The following FARS2 variants were observed in gnomAD, a reference collection of about 807,000 sequenced individuals.
FARS2 encodes the protein phenylalanine--tRNA ligase, mitochondrial.
In FARS2, 40 loss-of-function variants were observed where a neutral mutation model predicts 46.4. The observed-to-expected ratio is 0.86, with a 90% CI of 0.67 to 1.12. The LOEUF is 1.12. FARS2 is among the 50% of genes most tolerant of loss of function. The pLI, the probability that FARS2 is intolerant of heterozygous loss-of-function variation, is 0.00. For synonymous variants in FARS2, 234 were observed against 214.9 expected, an observed-to-expected ratio of 1.09 and a Z score of -0.78; for missense variants, 513 against 567.9, an observed-to-expected ratio of 0.90 and a Z score of 0.98.
At chr6:5,396,794 G>A (rs1760929481) in intron 2 of FARS2, among the ~76,000 whole-genome samples, 1 of 152,134 alleles carries the variant, frequency 6.6e-6, no homozygotes, top group Admixed American at 6.5e-5. Context: ...TGGCAAGATG[G>A]GGAAGTCAAA....
At chr6:5,437,541 T>C (rs2127780740) in intron 4 of FARS2, among the ~76,000 whole-genome samples, 1 of 152,314 alleles carries the variant, frequency 6.6e-6, no homozygotes, top group African/African-American at 2.4e-5. Context: ...TAGGTGCATA[T>C]ATTTTCATAG....
At chr6:5,753,792 G>A (rs937046244) in intron 6 of FARS2, among the ~76,000 whole-genome samples, 11 of 152,076 alleles carry the variant, frequency 7.2e-5, no homozygotes, top group Admixed American at 3.9e-4. Context: ...GAGACTCACC[G>A]GCCATTAAAA....
intron 3 of FARS2, among the ~76,000 whole-genome samples, chr6:5,416,956 G>T (rs899553267): frequency 3.3e-5 from 5 of 152,100 alleles, no homozygotes; most frequent in Admixed American, 2.6e-4. Flanking sequence ...AATACGTTAT[G>T]ATTGTTTTTG....
At chr6:5,489,795 C>T (rs551937485) in intron 4 of FARS2, among the ~76,000 whole-genome samples, 2 of 152,220 alleles carry the variant, frequency 1.3e-5, no homozygotes, top group African/African-American at 4.8e-5. Flanking sequence ...GTATAGTGAA[C>T]TTACGTTGGA....
At chr6:5,331,900 G>T (rs1211811061) in intron 1 of FARS2, among the ~76,000 whole-genome samples, 1 of 152,104 alleles carries the variant, frequency 6.6e-6, no homozygotes, top group African/African-American at 2.4e-5. Flanking sequence ...ATTTCCAAGA[G>T]AACTTGAGTG....
At chr6:5,499,633 A>G (rs1340981038) in intron 4 of FARS2, among the ~76,000 whole-genome samples, 1 of 152,102 alleles carries the variant, frequency 6.6e-6, no homozygotes, top group African/African-American at 2.4e-5. Context: ...ACTTCCCTCA[A>G]GTTCCCCGTA....
intron 2 of FARS2, among the ~76,000 whole-genome samples, chr6:5,390,015 C>T (rs1212540100): frequency 6.6e-6 from 1 of 152,140 alleles, no homozygotes; most frequent in Non-Finnish European, 1.5e-5. Context: ...CAGGCACGCG[C>T]CACCACGCCA....
At chr6:5,679,529 G>A (rs1267181411) in intron 6 of FARS2, among the ~76,000 whole-genome samples, 2 of 152,182 alleles carry the variant, frequency 1.3e-5, no homozygotes, top group East Asian at 3.9e-4. Context: ...ACACTCCCTG[G>A]GTTGTTAACA....
At chr6:5,581,457 G>GC (rs1773324018) in intron 5 of FARS2, among the ~76,000 whole-genome samples, 1 of 152,238 alleles carries the variant, frequency 6.6e-6, no homozygotes, top group African/African-American at 2.4e-5. Flanking sequence ...TGCTGAAGAA[G>GC]CTGAACATCG....
intron 6 of FARS2, among the ~76,000 whole-genome samples, chr6:5,705,569 C>A (rs564338636): frequency 2.0e-5 from 3 of 152,116 alleles, no homozygotes; most frequent in Admixed American, 6.5e-5. Flanking sequence ...AGCCTTGACA[C>A]CTGGCCGCTA....
chr6:5,312,448 T>C (rs1433145082), intron 1 of FARS2, among the ~76,000 whole-genome samples: 1 of 152,194 alleles, frequency 6.6e-6, no homozygotes, highest in Non-Finnish European at 1.5e-5. Context: ...GAGGACAATA[T>C]TGCCAGCTTA....
At chr6:5,252,479 C>T in the FARS2 span, among the ~76,000 whole-genome samples, 17 of 152,302 alleles carry the variant, frequency 1.1e-4, no homozygotes, top group East Asian at 7.7e-4. Flanking sequence ...TTCTGACACA[C>T]GCCTTGCATT....
intron 5 of FARS2, among the ~76,000 whole-genome samples, chr6:5,579,831 G>A (rs370557935): frequency 6.6e-6 from 1 of 151,994 alleles, no homozygotes; most frequent in African/African-American, 2.4e-5. Context: ...AAGACTTTAC[G>A]CATCTCTGCA....
intron 6 of FARS2, among the ~76,000 whole-genome samples, chr6:5,734,401 C>G (rs1186626920): frequency 6.6e-6 from 1 of 152,208 alleles, no homozygotes; most frequent in East Asian, 1.9e-4. Context: ...TGCTTTCAGT[C>G]TTGTTTCCAC....
At chr6:5,732,227 A>C (rs760662719) in intron 6 of FARS2, among the ~76,000 whole-genome samples, 4 of 152,244 alleles carry the variant, frequency 2.6e-5, no homozygotes, top group African/African-American at 9.6e-5. Context: ...CAGTGTCAAC[A>C]AATGGCTCTA....
intron 1 of FARS2, among the ~76,000 whole-genome samples, chr6:5,333,915 A>G (rs758601553): frequency 1.3e-5 from 2 of 152,128 alleles, no homozygotes; most frequent in Non-Finnish European, 2.9e-5. Context: ...TTGGAACCTC[A>G]ACCTCTTCCA....
At chr6:5,769,427 G>C (rs1187027141) in intron 6 of FARS2, among the ~76,000 whole-genome samples, 1 of 152,170 alleles carries the variant, frequency 6.6e-6, no homozygotes, top group Non-Finnish European at 1.5e-5. Context: ...CTGCGTTTTG[G>C]TGCCTGAAAG....
At chr6:5,317,972 G>T (rs1278131076) in intron 1 of FARS2, among the ~76,000 whole-genome samples, 1 of 151,904 alleles carries the variant, frequency 6.6e-6, no homozygotes, top group Non-Finnish European at 1.5e-5. Flanking sequence ...CATATAGGCA[G>T]GTAGAGGTGG....
At chr6:5,533,710 G>A (rs1238805373) in intron 4 of FARS2, among the ~76,000 whole-genome samples, 3 of 152,164 alleles carry the variant, frequency 2.0e-5, no homozygotes, top group African/African-American at 7.2e-5. Flanking sequence ...TTGATGGAGA[G>A]GTTTACAATT....
Sources: gnomAD v4.1 joint callset for allele counts (sites outside exome capture counted in the v4.1 genomes callset) on GRCh38, gnomAD v4.1.1 for gene constraint, MANE v1.5 for transcripts, NCBI Gene and HGNC (gene_info 2026-07-23, HGNC 2026-07-21) for gene names.